The following ADAMTS12 variants were observed in gnomAD, a reference collection of about 807,000 sequenced individuals.
The protein encoded by ADAMTS12 is A disintegrin and metalloproteinase with thrombospondin motifs 12.
ADAMTS12 carries 118 observed loss-of-function variants against 167.8 expected under a neutral mutation model. That is an observed-to-expected ratio of 0.70 (90% confidence interval 0.61 to 0.82). ADAMTS12 has a LOEUF of 0.82. ADAMTS12 is among the 40% of genes least tolerant of loss of function. The probability of loss-of-function intolerance (pLI) is 0.00; values close to 1 mark genes in which losing one functional copy is unlikely to be tolerated. For synonymous variants in ADAMTS12, 704 were observed against 716.9 expected (o/e 0.98, Z 0.29); for missense variants, 1,916 against 1,998.8 (o/e 0.96, Z 0.79).
At chr5:33,793,133 C>T (rs548515851) in intron 2 of ADAMTS12, among the ~76,000 whole-genome samples, 5 of 152,358 alleles carry the variant, frequency 3.3e-5, no homozygotes, top group South Asian at 4.1e-4. Context: ...TCCTCAATTA[C>T]GGCTATCCAA....
intron 3 of ADAMTS12, among the ~76,000 whole-genome samples, chr5:33,702,139 T>A (rs145870297): frequency 1.3e-5 from 2 of 152,282 alleles, no homozygotes; most frequent in Admixed American, 1.3e-4. Flanking sequence ...CCTTAACGAG[T>A]GCAAAGCTCA....
intron 18 of ADAMTS12, among the ~76,000 whole-genome samples, chr5:33,582,320 C>T (rs1747107168): frequency 6.6e-6 from 1 of 152,142 alleles, no homozygotes; most frequent in Non-Finnish European, 1.5e-5. Flanking sequence ...AATGACACTC[C>T]ACACCAAAAG....
At chr5:33,746,772 G>C (rs938141585) in intron 3 of ADAMTS12, among the ~76,000 whole-genome samples, 6 of 152,204 alleles carry the variant, frequency 3.9e-5, no homozygotes, top group Non-Finnish European at 7.4e-5. Context: ...TAATCAGTTG[G>C]CTGTTAGTAA....
Position 33,688,711 on chromosome 5 carries a change from T to A in ADAMTS12, c.635-4656A>T, listed in dbSNP as rs184516350. ...TCTGGAAATTACAGTTTCCAGTACATTCTGGAGTGCTTTTTAACATGCCAG... is the reference window on the plus strand; with the variant it reads ...TCTGGAAATTACAGTTTCCAGTACAATCTGGAGTGCTTTTTAACATGCCAG... On this transcript the variant is annotated intron_variant, in intron 3 of 23. Transcript: ENST00000504830. Among the ~76,000 whole-genome samples the A allele has an allele frequency of 7.3e-4, 111 of 152,300 alleles. 2 individuals carry two copies. The highest frequency in any genetic ancestry group is 5.4e-3 in the Admixed American group (82 of 15,304).
chr5:33,770,492 T>C (rs1254065050), intron 2 of ADAMTS12, among the ~76,000 whole-genome samples: 1 of 152,180 alleles, frequency 6.6e-6, no homozygotes, highest in Non-Finnish European at 1.5e-5. Context: ...CCTGCAGCTT[T>C]ATCTGGAGGT....
intron 2 of ADAMTS12, among the ~76,000 whole-genome samples, chr5:33,861,250 T>C (rs1033487045): frequency 1.3e-5 from 2 of 151,584 alleles, no homozygotes; most frequent in Non-Finnish European, 2.9e-5. Flanking sequence ...TTGGATAGAG[T>C]CAAGACCCAT....
intron 12 of ADAMTS12, among the ~76,000 whole-genome samples, chr5:33,634,409 G>A (rs1161273604): frequency 6.6e-6 from 1 of 152,126 alleles, no homozygotes; most frequent in East Asian, 1.9e-4. Flanking sequence ...CACATGAAGA[G>A]AAGGGATCTG....
At chr5:33,761,959 C>T (rs1304047352) in intron 2 of ADAMTS12, among the ~76,000 whole-genome samples, 2 of 151,048 alleles carry the variant, frequency 1.3e-5, no homozygotes, top group African/African-American at 4.9e-5. Flanking sequence ...TTGGGAGGCA[C>T]AGGCGGGTGG....
intron 2 of ADAMTS12, among the ~76,000 whole-genome samples, chr5:33,828,761 G>A (rs1748188734): frequency 6.6e-6 from 1 of 152,200 alleles, no homozygotes; most frequent in Non-Finnish European, 1.5e-5. Context: ...TATGTATGTG[G>A]TTGGGAAGCC....
At chr5:33,816,002 G>A (rs898917966) in intron 2 of ADAMTS12, among the ~76,000 whole-genome samples, 1 of 152,128 alleles carries the variant, frequency 6.6e-6, no homozygotes. Flanking sequence ...TTCAAACAAA[G>A]AGTAGTGTGA....
chr5:33,545,354 AG>A (rs1165261522), intron 22 of ADAMTS12, among the ~76,000 whole-genome samples: 1 of 152,152 alleles, frequency 6.6e-6, no homozygotes, highest in African/African-American at 2.4e-5. Context: ...TAAAAAGTCA[AG>A]AAACAACAGA....
chr5:33,882,265 G>C (rs964449055), intron 1 of ADAMTS12, among the ~76,000 whole-genome samples: 3 of 152,162 alleles, frequency 2.0e-5, no homozygotes, highest in African/African-American at 7.2e-5. Flanking sequence ...ACCAATTACA[G>C]CATAAGAGTG....
intron 3 of ADAMTS12, among the ~76,000 whole-genome samples, chr5:33,731,180 T>C (rs1425409547): frequency 1.3e-5 from 2 of 150,658 alleles, no homozygotes; most frequent in South Asian, 2.1e-4. Flanking sequence ...TCTCTGCTTA[T>C]CTTTCTTTTC....
At chr5:33,668,610 G>C (rs1374243589) in intron 5 of ADAMTS12, among the ~76,000 whole-genome samples, 4 of 152,114 alleles carry the variant, frequency 2.6e-5, no homozygotes, top group Non-Finnish European at 5.9e-5. Flanking sequence ...AGCTTCCTGA[G>C]TAGCTGGGAC....
In ADAMTS12 at chr5:33,738,094, G is replaced by C. The variant is rs80216770; in HGVS notation, c.634+13310C>G. Reference sequence around the variant, plus strand: ...CTACAGAATCTTAAAGAGGTCTCTTGAAGTTTTAAGGAAGATTGCCAGAAG... The same window carrying C: ...CTACAGAATCTTAAAGAGGTCTCTTCAAGTTTTAAGGAAGATTGCCAGAAG... On this transcript the variant is annotated intron_variant, in intron 3 of 23. Coordinates refer to ENST00000504830, the MANE Select transcript of ADAMTS12 (RefSeq NM_030955.4). Among the ~76,000 whole-genome samples the C allele has an allele frequency of 5.3e-3, 802 of 152,266 alleles. 5 individuals are homozygous for C. The highest frequency in any genetic ancestry group is 0.012 in the East Asian group (61 of 5,176).
chr5:33,847,516 G>C (rs182805080), intron 2 of ADAMTS12, among the ~76,000 whole-genome samples: 1 of 152,060 alleles, frequency 6.6e-6, no homozygotes, highest in East Asian at 1.9e-4. Context: ...CCAGCTACTC[G>C]GGAGGCTGAG....
At chr5:33,831,541 T>G (rs1748300034) in intron 2 of ADAMTS12, among the ~76,000 whole-genome samples, 1 of 152,250 alleles carries the variant, frequency 6.6e-6, no homozygotes, top group Non-Finnish European at 1.5e-5. Context: ...TTTTGAGAAC[T>G]AATAGCAGGT....
chr5:33,584,931 A>G (rs1006910935), intron 18 of ADAMTS12, among the ~76,000 whole-genome samples: 7 of 152,248 alleles, frequency 4.6e-5, no homozygotes, highest in Admixed American at 4.6e-4. Flanking sequence ...ATACAAGGCC[A>G]GAACTAAGAT....
intron 2 of ADAMTS12, among the ~76,000 whole-genome samples, chr5:33,825,761 C>T (rs1167542601): frequency 6.6e-6 from 1 of 152,146 alleles, no homozygotes; most frequent in South Asian, 2.1e-4. Flanking sequence ...TACAAAAACT[C>T]TCTGGAAGTG....
Sources: allele counts gnomAD v4.1 joint callset (sites outside exome capture counted in the v4.1 genomes callset), GRCh38; gene constraint gnomAD v4.1.1; transcripts MANE v1.5; gene names NCBI Gene and HGNC (gene_info 2026-07-23, HGNC 2026-07-21).